Variants in ADAMTSL1 observed in about 807,000 individuals in gnomAD.
ADAMTSL1 encodes the protein ADAMTS like 1.
ADAMTSL1 carries 126 observed loss-of-function variants against 201.8 expected under a neutral mutation model. The ratio of observed to expected loss-of-function variants is 0.62; its 90% CI spans 0.54 to 0.72. The LOEUF (loss-of-function observed/expected upper bound fraction) is 0.72, where lower values mean the gene tolerates loss of function less well. ADAMTSL1 is among the 30% of genes least tolerant of loss of function. The pLI, the probability that ADAMTSL1 is intolerant of heterozygous loss-of-function variation, is 0.00. For missense variants in ADAMTSL1, 2,679 were observed against 2,277.8 expected, an observed-to-expected ratio of 1.18 and a Z score of -3.59; for synonymous variants, 1,121 against 903.4, an observed-to-expected ratio of 1.24 and a Z score of -4.32.
chr9:17,975,687 T>C (rs935983950), intron 1 of ADAMTSL1, among the ~76,000 whole-genome samples: 9 of 152,120 alleles, frequency 5.9e-5, no homozygotes, highest in African/African-American at 2.2e-4. Flanking sequence ...GGCCATTTTG[T>C]TGATTGATTC....
intron 2 of ADAMTSL1, among the ~76,000 whole-genome samples, chr9:18,520,874 A>G (rs1370401493): frequency 3.3e-5 from 5 of 152,222 alleles, no homozygotes; most frequent in African/African-American, 1.2e-4. Context: ...GATGTATCCC[A>G]TGTAGAAAAG....
intron 9 of ADAMTSL1, among the ~76,000 whole-genome samples, chr9:18,670,547 G>A (rs1367636814): frequency 6.6e-6 from 1 of 152,188 alleles, no homozygotes; most frequent in Non-Finnish European, 1.5e-5. Flanking sequence ...ACGTGGGACT[G>A]AATATGTGCA....
At chr9:18,584,396 C>G (rs1219169464) in intron 4 of ADAMTSL1, among the ~76,000 whole-genome samples, 13 of 151,950 alleles carry the variant, frequency 8.6e-5, no homozygotes, top group Admixed American at 2.0e-4. Flanking sequence ...AACTGTAAGT[C>G]CAATAAACCT....
At chr9:18,023,349 G>A (rs896898661) in intron 1 of ADAMTSL1, among the ~76,000 whole-genome samples, 2 of 152,072 alleles carry the variant, frequency 1.3e-5, no homozygotes, top group Non-Finnish European at 2.9e-5. Flanking sequence ...CTGGTCTGGA[G>A]ACCATACCTT....
intron 1 of ADAMTSL1, among the ~76,000 whole-genome samples, chr9:17,977,181 A>G (rs1285053619): frequency 6.6e-6 from 1 of 152,004 alleles, no homozygotes; most frequent in Admixed American, 6.6e-5. Context: ...ATCTCACTTG[A>G]TCATGGTGTA....
chr9:17,993,554 T>C (rs187121926), intron 1 of ADAMTSL1, among the ~76,000 whole-genome samples: 4 of 152,302 alleles, frequency 2.6e-5, no homozygotes, highest in South Asian at 2.1e-4. Context: ...GGAAGCCTGT[T>C]CCAATCTAAT....
At position 18,856,227 on chromosome 9, in the gene ADAMTSL1, G is replaced by C. The variant is rs1826838497; in HGVS notation, c.4249+26250G>C. Among the ~76,000 whole-genome samples the C allele has an allele frequency of 2.0e-5, 3 of 152,126 alleles. No individual in the cohort carries two copies. In the South Asian group the frequency reaches 6.2e-4, roughly 32 times the overall value. ...TATAAAAAGTTAAATTGGAGGAAAA[G>C]TGAAGGAAAACAATGCTTTTGTTAA... On this transcript the variant is annotated intron_variant, in intron 23 of 28. Coordinates refer to ENST00000380548, the MANE Select transcript of ADAMTSL1 (RefSeq NM_001040272.6).
intron 1 of ADAMTSL1, among the ~76,000 whole-genome samples, chr9:18,070,259 G>A (rs1822901934): frequency 6.6e-6 from 1 of 152,188 alleles, no homozygotes; most frequent in African/African-American, 2.4e-5. Context: ...CTGAAGGAGT[G>A]GATAGCCAGT....
intron 25 of ADAMTSL1, 65 bp downstream of exon 25, chr9:18,889,813 T>C: frequency 7.2e-7 from 1 of 1,387,916 alleles, no homozygotes; most frequent in East Asian, 2.8e-5. Flanking sequence ...GTTAGCGAAG[T>C]CAGTGGCCAG....
chr9:18,243,825 T>C (rs1415534081), intron 2 of ADAMTSL1, among the ~76,000 whole-genome samples: 1 of 152,062 alleles, frequency 6.6e-6, no homozygotes, highest in Non-Finnish European at 1.5e-5. Flanking sequence ...AGCCTGAAAT[T>C]GAACCCATCT....
In ADAMTSL1 at chr9:17,964,882, CTTTTT is replaced by C. The variant is rs1301374901; in HGVS notation, c.87+57962_87+57966del. Among the ~76,000 whole-genome samples, 5 of 151,794 alleles carry C rather than the reference CTTTTT, an allele frequency of 3.3e-5. No individual in the cohort carries two copies. In the East Asian group the frequency reaches 7.7e-4, roughly 24 times the overall value. ...ATCTGGATTTCTTTTCTTTTCTTTT[CTTTTT>C]TGAGACAGAGTCTTGCTCTGTCGCC... On this transcript the variant is annotated intron_variant, in intron 1 of 29. Coordinates refer to the ADAMTSL1 transcript ENST00000680146.
At chr9:18,905,974 A>C in intron 27 of ADAMTSL1, 83 bp downstream of exon 27, 1 of 1,254,640 alleles carries the variant, frequency 8.0e-7, no homozygotes, top group South Asian at 1.4e-5. Flanking sequence ...TTTCTCCTCC[A>C]ACTAACTTAC....
chr9:18,144,015 G>A (rs904634268), intron 1 of ADAMTSL1, among the ~76,000 whole-genome samples: 6 of 152,106 alleles, frequency 3.9e-5, no homozygotes, highest in African/African-American at 1.4e-4. Context: ...GAAAGATAGT[G>A]CTATTTGGAG....
chr9:18,555,467 C>T (rs1821048556), intron 3 of ADAMTSL1, among the ~76,000 whole-genome samples: 1 of 151,972 alleles, frequency 6.6e-6, no homozygotes, highest in Non-Finnish European at 1.5e-5. Context: ...GTCCTACATC[C>T]TGTTGCAACT....
chr9:18,525,736 C>G (rs1410036512), intron 2 of ADAMTSL1, among the ~76,000 whole-genome samples: 1 of 152,270 alleles, frequency 6.6e-6, no homozygotes, highest in African/African-American at 2.4e-5. Context: ...TGTTCAGTTT[C>G]CATGTAGGTG....
chr9:18,828,697 A>ATATATATATATATATTATG (rs1824776656), intron 22 of ADAMTSL1, among the ~76,000 whole-genome samples: 1 of 42,510 alleles, frequency 2.4e-5, no homozygotes, highest in Non-Finnish European at 5.6e-5. Flanking sequence ...TATATATAAA[A>ATATATATATATATATTATG]TGTGTGTGTG....
chr9:18,557,494 G>T (rs1042632095), intron 3 of ADAMTSL1, among the ~76,000 whole-genome samples: 1 of 151,982 alleles, frequency 6.6e-6, no homozygotes, highest in Non-Finnish European at 1.5e-5. Context: ...GTTACTAAAA[G>T]AGGTATTTCA....
chr9:18,145,084 T>C (rs976402886), intron 1 of ADAMTSL1, among the ~76,000 whole-genome samples: 27 of 152,282 alleles, frequency 1.8e-4, no homozygotes, highest in African/African-American at 5.3e-4. Context: ...GATATCAATG[T>C]TATTTAGGTA....
At chr9:18,368,360 T>A (rs528992039) in intron 2 of ADAMTSL1, among the ~76,000 whole-genome samples, 3 of 152,338 alleles carry the variant, frequency 2.0e-5, no homozygotes, top group Admixed American at 1.3e-4. Context: ...CCATGCTGAC[T>A]GCTGTGGTAA....
Sources: gnomAD v4.1 joint callset for allele counts (sites outside exome capture counted in the v4.1 genomes callset) on GRCh38, gnomAD v4.1.1 for gene constraint, MANE v1.5 for transcripts, NCBI Gene and HGNC (gene_info 2026-07-23, HGNC 2026-07-21) for gene names.